Variants in TYW1B observed in about 807,000 individuals in gnomAD.
TYW1B encodes the protein S-adenosyl-L-methionine-dependent tRNA 4-demethylwyosine synthase TYW1B.
A neutral mutation model predicts 86.9 loss-of-function variants in TYW1B; 73 were observed. The observed-to-expected ratio is 0.84, with a 90% confidence interval of 0.70 to 1.02. The LOEUF (loss-of-function observed/expected upper bound fraction) is 1.02, where lower values mean the gene tolerates loss of function less well. Among genes scored for constraint, TYW1B ranks in the 50% least tolerant of loss-of-function variants. The pLI is 0.00. For synonymous variants in TYW1B, 248 were observed against 292.8 expected (o/e 0.85, Z 1.56); for missense variants, 637 against 827.4 (o/e 0.77, Z 2.82).
At chr7:72,750,802 G>A (rs1349450905) in intron 7 of TYW1B, among the ~76,000 whole-genome samples, 6 of 152,104 alleles carry the variant, frequency 3.9e-5, no homozygotes, top group African/African-American at 1.4e-4. Context: ...TCGAATATTT[G>A]CAATATACTT....
intron 13 of TYW1B, among the ~76,000 whole-genome samples, chr7:72,608,773 T>G (rs1434496665): frequency 2.6e-5 from 4 of 152,222 alleles, no homozygotes; most frequent in Non-Finnish European, 5.9e-5. Context: ...TTATATATCC[T>G]TCTTGCAATG....
chr7:72,606,815 TA>T (rs1384690499), intron 13 of TYW1B, among the ~76,000 whole-genome samples: 5 of 152,100 alleles, frequency 3.3e-5, no homozygotes, highest in Non-Finnish European at 5.9e-5. Flanking sequence ...TCCCTGGAAG[TA>T]AGGAGGTAAC....
At chr7:72,806,229 G>C (rs372094068) in intron 5 of TYW1B, among the ~76,000 whole-genome samples, 16 of 121,568 alleles carry the variant, frequency 1.3e-4, no homozygotes, top group African/African-American at 4.6e-4. Flanking sequence ...TTGGTTGTGT[G>C]TGTGTGGGTT....
chr7:72,674,779 A>C (rs1813697803), intron 11 of TYW1B, among the ~76,000 whole-genome samples: 1 of 74,704 alleles, frequency 1.3e-5, no homozygotes, highest in Non-Finnish European at 3.6e-5. Flanking sequence ...TTTTTTTTTA[A>C]AGAGATGGGG....
At chr7:72,779,346 G>T (rs1554471240) in intron 6 of TYW1B, among the ~76,000 whole-genome samples, 1 of 152,292 alleles carries the variant, frequency 6.6e-6, no homozygotes, top group Non-Finnish European at 1.5e-5. Flanking sequence ...CCAGGCAATA[G>T]GTAATAAGAA....
intron 3 of TYW1B, among the ~76,000 whole-genome samples, chr7:72,812,362 G>A (rs1188614051): frequency 1.4e-4 from 21 of 152,094 alleles, no homozygotes; most frequent in African/African-American, 4.3e-4. Context: ...GTGGCCTCCT[G>A]TCAGCGCTCC....
chr7:72,826,726 T>G, intron 2 of TYW1B, 129 bp downstream of exon 2: 1 of 1,222,182 alleles, frequency 8.2e-7, no homozygotes, highest in Non-Finnish European at 1.1e-6. Context: ...GAGAAGAAAT[T>G]TATTTTAGGC....
chr7:72,704,705 TCTC>T (rs1585916401), intron 10 of TYW1B, among the ~76,000 whole-genome samples: 2 of 152,290 alleles, frequency 1.3e-5, no homozygotes, highest in East Asian at 3.9e-4. Flanking sequence ...TCATGTCTTA[TCTC>T]ACATACTCGC....
intron 11 of TYW1B, among the ~76,000 whole-genome samples, chr7:72,689,825 C>A (rs1554450038): frequency 6.6e-6 from 1 of 152,072 alleles, no homozygotes; most frequent in Non-Finnish European, 1.5e-5. Flanking sequence ...TCTTTACTTC[C>A]CCCAAATTTC....
intron 13 of TYW1B, among the ~76,000 whole-genome samples, chr7:72,614,799 G>A (rs1249572937): frequency 2.6e-5 from 4 of 152,186 alleles, no homozygotes; most frequent in Non-Finnish European, 5.9e-5. Context: ...ACTGAATCAT[G>A]CTATGAGCCA....
At chr7:72,804,300 G>GA (rs1414349813) in intron 5 of TYW1B, among the ~76,000 whole-genome samples, 1 of 147,432 alleles carries the variant, frequency 6.8e-6, no homozygotes. Context: ...AAAAAAAAAA[G>GA]AAAAAAATTA....
At chr7:72,584,707 C>G (rs1712261510) in intron 13 of TYW1B, among the ~76,000 whole-genome samples, 2 of 152,138 alleles carry the variant, frequency 1.3e-5, no homozygotes, top group African/African-American at 4.8e-5. Context: ...CTGCCTGCCT[C>G]AGCCTCCTGA....
intron 11 of TYW1B, among the ~76,000 whole-genome samples, chr7:72,632,376 T>TG (rs1344563944): frequency 1.0e-5 from 1 of 96,246 alleles, no homozygotes; most frequent in Non-Finnish European, 1.9e-5. Context: ...CGCATATATA[T>TG]TATATATATA....
chr7:72,636,566 A>G (rs1394230451), intron 11 of TYW1B, among the ~76,000 whole-genome samples: 1 of 152,208 alleles, frequency 6.6e-6, no homozygotes. Flanking sequence ...TTATGGGTAA[A>G]TATCTTTATC....
chr7:72,786,105 TA>T (rs140958157), intron 6 of TYW1B, among the ~76,000 whole-genome samples: 118,138 of 149,686 alleles, frequency 0.79, 46,671 homozygotes, highest in Non-Finnish European at 0.8. Context: ...CAAGACTGTC[TA>T]AAAAAAAAAG....
At position 72,810,459 on chromosome 7, in the gene TYW1B, A is replaced by G; in HGVS notation, c.432+12T>C. 2 of 1,604,554 alleles carry G rather than the reference A, an allele frequency of 1.2e-6. No homozygotes were observed. Among genetic ancestry groups the G allele is most frequent in the Non-Finnish European group, 1.7e-6 (2 of 1,174,582 alleles). On this transcript the variant is annotated intron_variant, in intron 4 of 13. Coordinates refer to ENST00000620995, the MANE Select transcript of TYW1B (RefSeq NM_001145440.3). ...GGGGAGAATTTATTCCTATAATTCA[A>G]TATAGACCTACCTTGTTGAAGTGGC... is the stretch of plus-strand genomic sequence containing the variant.
chr7:72,616,662 T>C lies in TYW1B; in HGVS notation c.1785+10A>G, dbSNP rs782812691. The C allele has an allele frequency of 5.6e-6, 9 of 1,613,964 alleles. No individual in the cohort carries two copies. The South Asian group carries it at 7.7e-5, about 14-fold the overall frequency. ...GGGAACAGAAGATTCCATGTTTGAG[T>C]TATTCTTACCTTTCTGTGTGCTATC... On this transcript the variant is annotated intron_variant, in intron 13 of 13. Transcript: ENST00000620995.
At chr7:72,626,330 G>A (rs1444284628) in intron 12 of TYW1B, among the ~76,000 whole-genome samples, 1 of 151,118 alleles carries the variant, frequency 6.6e-6, no homozygotes, top group African/African-American at 2.4e-5. Flanking sequence ...ACGGAAATGA[G>A]CAGAGTTGGC....
chr7:72,793,601 C>T (rs1788256564), intron 6 of TYW1B, among the ~76,000 whole-genome samples: 1 of 150,180 alleles, frequency 6.7e-6, no homozygotes, highest in Non-Finnish European at 1.5e-5. Context: ...ACTAAACATA[C>T]AAAAATTAGC....
Sources: allele counts gnomAD v4.1 joint callset (sites outside exome capture counted in the v4.1 genomes callset), GRCh38; gene constraint gnomAD v4.1.1; transcripts MANE v1.5; gene names NCBI Gene and HGNC (gene_info 2026-07-23, HGNC 2026-07-21).